The following CALCOCO2 variants were observed in gnomAD, a reference collection of about 807,000 sequenced individuals.
CALCOCO2 encodes calcium binding and coiled-coil domain 2.
A neutral mutation model predicts 62.5 loss-of-function variants in CALCOCO2; 42 were observed. The observed-to-expected ratio is 0.67, with a 90% CI of 0.53 to 0.87. The LOEUF (loss-of-function observed/expected upper bound fraction) is 0.87, where lower values mean the gene tolerates loss of function less well. CALCOCO2 is among the 40% of genes least tolerant of loss of function. The pLI is 0.00. For missense variants in CALCOCO2, 456 were observed against 515.0 expected (o/e 0.89, Z 1.11); for synonymous variants, 167 against 173.0 (o/e 0.97, Z 0.27).
intron 1 of CALCOCO2, 96 bp from the exon 2 acceptor site, chr17:48,841,602 G>A (rs926884112): frequency 2.3e-5 from 19 of 832,582 alleles, no homozygotes; most frequent in African/African-American, 1.9e-4. Flanking sequence ...TTCCTGACTT[G>A]CTTTGCACAG....
chr17:48,857,988 A>T (rs144919629), intron 10 of CALCOCO2, among the ~76,000 whole-genome samples: 15,453 of 44,984 alleles, frequency 0.34, 1,963 homozygotes, highest in South Asian at 0.48. Context: ...AGAATAGAAT[A>T]GAATAGAATA....
At chr17:48,833,507 A>G (rs2039845195) in intron 1 of CALCOCO2, among the ~76,000 whole-genome samples, 1 of 149,646 alleles carries the variant, frequency 6.7e-6, no homozygotes, top group African/African-American at 2.5e-5. Flanking sequence ...AGATCACACC[A>G]CTGCACTCCA....
At chr17:48,857,699 G>A (rs2040239774) in intron 10 of CALCOCO2, among the ~76,000 whole-genome samples, 2 of 149,082 alleles carry the variant, frequency 1.3e-5, no homozygotes, top group South Asian at 4.3e-4. Flanking sequence ...ATTTGGCTGG[G>A]CGCGGTGGCT....
chr17:48,861,427 GC>G (rs2143683636), intron 11 of CALCOCO2, among the ~76,000 whole-genome samples: 1 of 151,946 alleles, frequency 6.6e-6, no homozygotes, highest in Admixed American at 6.6e-5. Context: ...TGTTGCCCAG[GC>G]CGGTTTCGAA....
intron 6 of CALCOCO2, 99 bp downstream of exon 6, chr17:48,851,276 T>A: frequency 1.3e-6 from 1 of 748,362 alleles, no homozygotes; most frequent in South Asian, 1.5e-5. Flanking sequence ...GAGAAAACAC[T>A]GTTATGACAT....
intron 2 of CALCOCO2, 60 bp downstream of exon 2, chr17:48,841,947 C>A (rs1227123387): frequency 2.5e-6 from 3 of 1,178,648 alleles, no homozygotes; most frequent in Non-Finnish European, 3.6e-6. Context: ...AGTTACCTAA[C>A]TGTGTGACTC....
intron 10 of CALCOCO2, among the ~76,000 whole-genome samples, chr17:48,858,480 C>T (rs2040276526): frequency 6.6e-6 from 1 of 151,972 alleles, no homozygotes; most frequent in African/African-American, 2.4e-5. Flanking sequence ...CAGGTGCGCA[C>T]CACCACACCC....
At chr17:48,856,286 T>G in intron 10 of CALCOCO2, 99 bp downstream of exon 10, 23 of 600,102 alleles carry the variant, frequency 3.8e-5, no homozygotes, top group East Asian at 5.6e-5. Context: ...TAAGGGCCCT[T>G]TCTGGGACAG....
In CALCOCO2 at chr17:48,836,050, C is replaced by T. The variant is rs374796835; in HGVS notation, c.-11+4972C>T. 3.0e-4 allele frequency among the ~76,000 whole-genome samples: 46 copies of T among 152,252 alleles called. 3 individuals are homozygous for T. The highest frequency in any genetic ancestry group is 1.1e-3 in the African/African-American group (46 of 41,556). On this transcript the variant is annotated intron_variant, in intron 1 of 12. Coordinates refer to ENST00000258947, the MANE Select transcript of CALCOCO2 (RefSeq NM_005831.5). ...ACAGGTGTGAGCCACGGCACACGGC[C>T]AGATTGGTTGTTTTTCTGGTAATGA...
Position 48,852,747 on chromosome 17 carries a change from G to A in CALCOCO2, c.825+119G>A, listed in dbSNP as rs943824680. 9.3e-6 allele frequency: 10 copies of A among 1,077,104 alleles called. No individual in the cohort carries two copies. The Admixed American group carries it at 1.9e-4, about 20-fold the overall frequency. 66.7% of individuals were successfully genotyped at this position (1,077,104 alleles called of 1,614,324 possible). The stretch of plus-strand genomic sequence containing the variant: ...CCTGGATGTCACTGGCTTTAGGAAA[G>A]GGCTCAGAGGAAGCTATCTGAAATG... On this transcript the variant is annotated intron_variant, in intron 8 of 12. Coordinates refer to ENST00000258947, the MANE Select transcript of CALCOCO2 (RefSeq NM_005831.5).
chr17:48,852,852 G>A (rs2040154021), intron 8 of CALCOCO2, 74 bp from the exon 9 acceptor site: 3 of 1,188,628 alleles, frequency 2.5e-6, no homozygotes, highest in Non-Finnish European at 3.8e-6. Flanking sequence ...CATTAGCTTA[G>A]CAGGCCCTTC....
chr17:48,851,365 C>A, intron 6 of CALCOCO2, 188 bp downstream of exon 6: 1 of 622,698 alleles, frequency 1.6e-6, no homozygotes, highest in Non-Finnish European at 2.9e-6. Context: ...GATCTGATTT[C>A]AAATATTAAC....
intron 2 of CALCOCO2, chr17:48,847,778 C>T (rs1446291111): frequency 3.5e-5 from 8 of 229,326 alleles, no homozygotes; most frequent in Non-Finnish European, 6.0e-5. Flanking sequence ...GCCTCAACCT[C>T]CTGAGTAGCT....
chr17:48,858,022 T>TAGA (rs1422291797), intron 10 of CALCOCO2, among the ~76,000 whole-genome samples: 1 of 13,402 alleles, frequency 7.5e-5, no homozygotes, highest in African/African-American at 1.2e-4. Flanking sequence ...TAGAATAGAA[T>TAGA]AGAATAGAAT....
chr17:48,842,886 G>A (rs751748013), intron 2 of CALCOCO2, among the ~76,000 whole-genome samples: 3 of 151,894 alleles, frequency 2.0e-5, no homozygotes, highest in Non-Finnish European at 4.4e-5. Flanking sequence ...TGATCTGCCC[G>A]CCTCAGCCTC....
intron 10 of CALCOCO2, among the ~76,000 whole-genome samples, chr17:48,857,985 A>AATAGG (rs2040247538): frequency 5.7e-5 from 1 of 17,428 alleles, no homozygotes; most frequent in Non-Finnish European, 1.4e-4. Context: ...AATAGAATAG[A>AATAGG]ATAGAATAGA....
chr17:48,851,466 G>C, intron 6 of CALCOCO2, 93 bp from the exon 7 acceptor site: 1 of 795,440 alleles, frequency 1.3e-6, no homozygotes, highest in Non-Finnish European at 2.2e-6. Context: ...AATTCTGCAG[G>C]CTTAGGGCCA....
chr17:48,849,404 T>C, intron 5 of CALCOCO2, 27 bp downstream of exon 5: 1 of 1,606,640 alleles, frequency 6.2e-7, no homozygotes. Context: ...TAGGTGACCT[T>C]GGAGCATGGA....
chr17:48,832,775 T>A (rs1381945609), intron 1 of CALCOCO2, among the ~76,000 whole-genome samples: 1 of 152,192 alleles, frequency 6.6e-6, no homozygotes, highest in Non-Finnish European at 1.5e-5. Context: ...ATGGTCTCAG[T>A]AAAATGGAGA....
Sources: gnomAD v4.1 joint callset for allele counts (sites outside exome capture counted in the v4.1 genomes callset) on GRCh38, gnomAD v4.1.1 for gene constraint, MANE v1.5 for transcripts, NCBI Gene and HGNC (gene_info 2026-07-23, HGNC 2026-07-21) for gene names.